DENND1A: variants seen among roughly 807,000 people sequenced by gnomAD.
DENND1A encodes DENN domain containing 1A.
In DENND1A, 51 loss-of-function variants were observed where a neutral mutation model predicts 113.7. The observed-to-expected ratio is 0.45, with a 90% CI of 0.36 to 0.57. The LOEUF (loss-of-function observed/expected upper bound fraction) is 0.57. Among genes scored for constraint, DENND1A ranks in the 20% least tolerant of loss-of-function variants. The probability of loss-of-function intolerance (pLI) is 0.00; values close to 1 mark genes in which losing one functional copy is unlikely to be tolerated. For missense variants in DENND1A, 1,258 were observed against 1,395.9 expected, an observed-to-expected ratio of 0.90 and a Z score of 1.57; for synonymous variants, 565 against 570.8, an observed-to-expected ratio of 0.99 and a Z score of 0.14.
chr9:123,835,849 T>C (rs914392107), intron 2 of DENND1A, among the ~76,000 whole-genome samples: 2 of 152,020 alleles, frequency 1.3e-5, no homozygotes, highest in African/African-American at 4.8e-5. Flanking sequence ...TGGTAAAAAG[T>C]GGTATATGGT....
At position 123,382,092 on chromosome 9, in the gene DENND1A, G is replaced by T; in HGVS notation, c.2553C>A (p.Ser851Arg). ...GGAGGGTGCTGCCTGACCAGGCTGT[G>T]CTGAGCGGGTCCAGGAGGGCGAGCA... The part of the protein sequence containing the change: ...DALLALLDPL[S>R]TAWSGSTLPS... The change falls in exon 24 of 24, where the codon AGC becomes AGA. Residue 851 changes from serine (S) to arginine (R), a missense_variant. Around this residue, in one of 2 missense-constraint regions of DENND1A, gnomAD observed 1,159 missense variants for 1,231.7 expected, o/e 0.94. Coordinates refer to ENST00000394215, the MANE Select transcript of DENND1A (RefSeq NM_001352964.2). The T allele has an allele frequency of 6.5e-7, 1 of 1,547,364 alleles. No individual in the cohort carries two copies.
At chr9:123,579,399 C>T (rs576180556) in intron 12 of DENND1A, among the ~76,000 whole-genome samples, 1 of 152,050 alleles carries the variant, frequency 6.6e-6, no homozygotes, top group Admixed American at 6.5e-5. Flanking sequence ...ATTTTTTTGT[C>T]CTTAAATGTT....
chr9:123,670,609 T>A (rs536303965), intron 7 of DENND1A, among the ~76,000 whole-genome samples: 2 of 152,286 alleles, frequency 1.3e-5, no homozygotes, highest in East Asian at 3.9e-4. Context: ...GCAGTATATA[T>A]TTATAGGCAT....
At chr9:123,572,222 T>C (rs1160757529) in intron 12 of DENND1A, among the ~76,000 whole-genome samples, 3 of 152,240 alleles carry the variant, frequency 2.0e-5, no homozygotes, top group Non-Finnish European at 4.4e-5. Context: ...AAATGGATTC[T>C]GTCACTTCTA....
intron 1 of DENND1A, among the ~76,000 whole-genome samples, chr9:123,885,789 T>A (rs963188286): frequency 1.3e-5 from 2 of 152,158 alleles, no homozygotes; most frequent in South Asian, 4.1e-4. Flanking sequence ...ATGTTCTTTT[T>A]TTTTCTTTTC....
intron 5 of DENND1A, among the ~76,000 whole-genome samples, chr9:123,679,031 A>AT (rs1024824266): frequency 7.9e-5 from 12 of 151,162 alleles, no homozygotes; most frequent in Admixed American, 2.6e-4. Flanking sequence ...AGGATTACAA[A>AT]TTTTTTTTTT....
intron 9 of DENND1A, among the ~76,000 whole-genome samples, chr9:123,649,117 G>A (rs1054152324): frequency 3.3e-5 from 5 of 152,096 alleles, no homozygotes; most frequent in African/African-American, 4.8e-5. Context: ...GAATTAGCTC[G>A]TCAGGTACTA....
intron 1 of DENND1A, among the ~76,000 whole-genome samples, chr9:123,904,095 C>A (rs938839942): frequency 6.6e-6 from 1 of 152,054 alleles, no homozygotes; most frequent in Non-Finnish European, 1.5e-5. Flanking sequence ...CTGGGAGGCA[C>A]CCCCCAGCAG....
chr9:123,911,268 A>G (rs1853905547), intron 1 of DENND1A, among the ~76,000 whole-genome samples: 2 of 152,248 alleles, frequency 1.3e-5, no homozygotes, highest in African/African-American at 2.4e-5. Context: ...GCTAAAAAAG[A>G]CTAACAATAT....
At position 123,769,590 on chromosome 9, in the gene DENND1A, T is replaced by C. The variant is rs1314389649; in HGVS notation, c.133-27A>G. On this transcript the variant is annotated intron_variant, in intron 3 of 23. Coordinates refer to ENST00000394215, the MANE Select transcript of DENND1A (RefSeq NM_001352964.2). ...TGTGGAGAGAAAGAGAGATAATTTA[T>C]ACATCTAATGGGACCAGTAAATCTA... 1.4e-5 allele frequency: 22 copies of C among 1,594,814 alleles called. No homozygotes were observed. In the South Asian group the frequency reaches 2.2e-4, roughly 16 times the overall value.
chr9:123,828,480 A>T (rs1839710218), intron 2 of DENND1A, among the ~76,000 whole-genome samples: 1 of 152,032 alleles, frequency 6.6e-6, no homozygotes, highest in African/African-American at 2.4e-5. Context: ...ATAATAAGTA[A>T]TGTTAAGAAA....
chr9:123,536,434 C>T (rs1402405881), intron 13 of DENND1A, among the ~76,000 whole-genome samples: 2 of 147,124 alleles, frequency 1.4e-5, no homozygotes, highest in African/African-American at 5.1e-5. Flanking sequence ...TATATCACTC[C>T]AGCCTGGGCA....
rs550940466 is a variant in DENND1A at position 123,417,001 on chromosome 9, C to T, written c.1489-5172G>A. Among the ~76,000 whole-genome samples, 6 of 152,380 alleles carry T rather than the reference C, an allele frequency of 3.9e-5. No individual in the cohort carries two copies. The South Asian group carries it at 1.2e-3, about 32-fold the overall frequency. ...CAAGAAATAGACTTCGGGTTAGAAACCCATGGGTTCACGAGTTGGTTCTGT... is the reference window on the plus strand; with the variant it reads ...CAAGAAATAGACTTCGGGTTAGAAATCCATGGGTTCACGAGTTGGTTCTGT... On this transcript the variant is annotated intron_variant, in intron 19 of 23. Coordinates refer to ENST00000394215, the MANE Select transcript of DENND1A (RefSeq NM_001352964.2).
At chr9:123,636,955 G>C (rs1240367414) in intron 9 of DENND1A, among the ~76,000 whole-genome samples, 5 of 152,190 alleles carry the variant, frequency 3.3e-5, no homozygotes, top group African/African-American at 4.8e-5. Context: ...CTCCAAAAGT[G>C]CCTGGATTAT....
intron 2 of DENND1A, among the ~76,000 whole-genome samples, chr9:123,870,801 G>T (rs1846476784): frequency 6.6e-6 from 1 of 151,988 alleles, no homozygotes; most frequent in Admixed American, 6.6e-5. Context: ...AAACCTCTTT[G>T]AGTCTCAGTT....
At chr9:123,831,835 G>C (rs1285367968) in intron 2 of DENND1A, among the ~76,000 whole-genome samples, 2 of 152,152 alleles carry the variant, frequency 1.3e-5, no homozygotes, top group East Asian at 3.9e-4. Flanking sequence ...GTACAAAAAT[G>C]AGACAGGCAT....
At chr9:123,409,394 T>G (rs1228157195) in intron 20 of DENND1A, among the ~76,000 whole-genome samples, 1 of 151,776 alleles carries the variant, frequency 6.6e-6, no homozygotes. Flanking sequence ...CCCAACATGA[T>G]GCTAAAGGAA....
chr9:123,762,543 G>C (rs543313935), intron 4 of DENND1A, among the ~76,000 whole-genome samples: 1 of 152,314 alleles, frequency 6.6e-6, no homozygotes, highest in African/African-American at 2.4e-5. Context: ...TTACATGTGA[G>C]CTTCACTTTA....
At chr9:123,654,083 C>T (rs1383143152) in intron 8 of DENND1A, among the ~76,000 whole-genome samples, 2 of 152,026 alleles carry the variant, frequency 1.3e-5, no homozygotes, top group South Asian at 2.1e-4. Flanking sequence ...CAAAGGCAGT[C>T]GGAAGGAGTC....
Sources: allele counts gnomAD v4.1 joint callset (sites outside exome capture counted in the v4.1 genomes callset), GRCh38; gene constraint gnomAD v4.1.1; regional missense constraint gnomAD v4.1.1; transcripts MANE v1.5; gene names NCBI Gene and HGNC (gene_info 2026-07-23, HGNC 2026-07-21).